The following OAS3 variants were observed in gnomAD, a reference collection of about 807,000 sequenced individuals.
OAS3 encodes 2'-5'-oligoadenylate synthase 3.
A neutral mutation model predicts 113.0 loss-of-function variants in OAS3; 107 were observed. The observed-to-expected ratio is 0.95, with a 90% CI of 0.81 to 1.11. OAS3 has a LOEUF of 1.11. Among genes scored for constraint, OAS3 ranks in the 50% most tolerant of loss-of-function variants. The pLI is 0.00. For missense variants in OAS3, 1,258 were observed against 1,389.1 expected, an observed-to-expected ratio of 0.91 and a Z score of 1.50; for synonymous variants, 552 against 573.6, an observed-to-expected ratio of 0.96 and a Z score of 0.54.
At chr12:112,944,061 G>C (rs1244882821) in intron 2 of OAS3, among the ~76,000 whole-genome samples, 1 of 152,146 alleles carries the variant, frequency 6.6e-6, no homozygotes, top group Non-Finnish European at 1.5e-5. Flanking sequence ...CTTGGGCATC[G>C]TTTTCCTCTC....
chr12:112,969,734 C>T lies in OAS3; in HGVS notation c.3231C>T (p.Pro1077=), dbSNP rs1294481080. ...GCTGCATGGGACGGAATGGCATCCC[C>T]ATCCAGCCATGGCCAGTGAAGGTGA... ...ALCCMGRNGI[P]IQPWPVKAAV is the part of the protein sequence containing the mutation. The change falls in exon 15 of 16, where the codon CCC becomes CCT. Residue 1077 remains proline, a synonymous_variant. Coordinates refer to ENST00000228928, the MANE Select transcript of OAS3 (RefSeq NM_006187.4). 6.2e-7 allele frequency: 1 copy of T among 1,613,332 alleles called. No homozygotes were observed. The highest frequency in any genetic ancestry group is 2.2e-5 in the East Asian group (1 of 44,874).
chr12:112,963,692 A>G lies in OAS3; in HGVS notation c.2229+235A>G, dbSNP rs2043909671. Among the ~76,000 whole-genome samples the G allele has an allele frequency of 6.6e-6, 1 of 152,142 alleles. No individual in the cohort carries two copies. Among genetic ancestry groups the G allele is most frequent in the Admixed American group, 6.5e-5 (1 of 15,272 alleles). On this transcript the variant is annotated intron_variant, in intron 10 of 15. Transcript: ENST00000228928. This position sits in a 1 kb window ranked among gnomAD's most constrained non-coding sequence, Gnocchi z 4.6. ...CTAACTCTGTCTCCAGGCGGAACCG[A>G]TTCTGTGATGCAACTCACGTTCCAG...
rs949410630 is a variant in OAS3 at position 112,954,106 on chromosome 12, G to C, written c.1657+3131G>C. On this transcript the variant is annotated intron_variant, in intron 7 of 15. Coordinates refer to ENST00000228928, the MANE Select transcript of OAS3 (RefSeq NM_006187.4). This position sits in a 1 kb window ranked among gnomAD's most constrained non-coding sequence, Gnocchi z 4.0. ...TGGTATTGCCTAGGTTTTCTTCTAG[G>C]GTTTTTATGGTTTTAGGTCTAAGAT... 6.6e-6 allele frequency among the ~76,000 whole-genome samples: 1 copy of C among 152,046 alleles called. No homozygotes were observed. Among genetic ancestry groups the C allele is most frequent in the Non-Finnish European group, 1.5e-5 (1 of 68,014 alleles).
chr12:112,942,602 CAGCTA>C (rs1645514602), intron 2 of OAS3, among the ~76,000 whole-genome samples: 1 of 151,554 alleles, frequency 6.6e-6, no homozygotes, highest in African/African-American at 2.4e-5. Flanking sequence ...CCTCTGATCC[CAGCTA>C]CTGGAGAGGC....
Position 112,967,443 on chromosome 12 carries a change from C to T in OAS3, c.2715C>T (p.Pro905=). 1 of 1,613,114 alleles carries T rather than the reference C, an allele frequency of 6.2e-7. No homozygotes were observed. Residue 905 remains proline (P), a synonymous_variant, in exon 13 of 16, where the codon CCC becomes CCT. Coordinates refer to ENST00000228928, the MANE Select transcript of OAS3 (RefSeq NM_006187.4). ...GCCAGCTGGTCTCTGGCTCCAGGCCCAGCTCTCAAGTCTACGTCGACCTCA... is the reference window on the plus strand; with the variant it reads ...GCCAGCTGGTCTCTGGCTCCAGGCCTAGCTCTCAAGTCTACGTCGACCTCA... ...ALGQLVSGSR[P]SSQVYVDLIH...
At chr12:112,959,009 A>C (rs900847345) in intron 7 of OAS3, among the ~76,000 whole-genome samples, 39 of 152,322 alleles carry the variant, frequency 2.6e-4, no homozygotes, top group African/African-American at 9.4e-4. Flanking sequence ...CGAGCTTCCC[A>C]GCCACTTTGT....
At chr12:112,951,038 G>C in intron 7 of OAS3, 63 bp downstream of exon 7, 1 of 1,509,286 alleles carries the variant, frequency 6.6e-7, no homozygotes, top group Non-Finnish European at 8.9e-7. Flanking sequence ...TCTAACAGGG[G>C]CACCTGCCAT....
In OAS3 at chr12:112,967,467, C is replaced by G; in HGVS notation, c.2739C>G (p.Leu913=). ...CCAGCTCTCAAGTCTACGTCGACCT[C>G]ATCCACAGCTACAGCAATGCGGGCG... ...SRPSSQVYVD[L]IHSYSNAGEY... Residue 913 remains leucine, a synonymous_variant, in exon 13 of 16, where the codon CTC becomes CTG. Transcript: ENST00000228928. The G allele has an allele frequency of 6.2e-7, 1 of 1,613,672 alleles. No individual in the cohort carries two copies. Among genetic ancestry groups the G allele is most frequent in the Non-Finnish European group, 8.5e-7 (1 of 1,179,778 alleles).
chr12:112,962,390 A>T (rs897309311), intron 8 of OAS3, among the ~76,000 whole-genome samples: 2 of 152,162 alleles, frequency 1.3e-5, no homozygotes, highest in African/African-American at 4.8e-5. Context: ...CACACTCAAG[A>T]TGTTTCAAAT....
At chr12:112,957,388 CT>C (rs2043845027) in intron 7 of OAS3, among the ~76,000 whole-genome samples, 1 of 152,102 alleles carries the variant, frequency 6.6e-6, no homozygotes, top group African/African-American at 2.4e-5. Context: ...ATGATGTTGG[CT>C]GGTTATTTTG....
intron 7 of OAS3, among the ~76,000 whole-genome samples, chr12:112,952,961 T>C (rs888960705): frequency 2.0e-5 from 3 of 152,298 alleles, no homozygotes; most frequent in Admixed American, 6.5e-5. Context: ...TTCTCTTTGA[T>C]GTATCTGTGT....
chr12:112,971,562 A>C lies in OAS3; in HGVS notation c.*1589A>C, dbSNP rs1161955695. On this transcript the variant is annotated 3_prime_UTR_variant, in exon 16 of 16. Coordinates refer to ENST00000228928, the MANE Select transcript of OAS3 (RefSeq NM_006187.4). ...TATCTCAGAGGAAGGAACAGGAAAC[A>C]AAGAAAGGAAGCCACTGAACATCCC... is the stretch of plus-strand genomic sequence containing the variant. 1 of 152,376 alleles carries C rather than the reference A, an allele frequency of 6.6e-6. No homozygotes were observed. The highest frequency in any genetic ancestry group is 2.4e-5 in the African/African-American group (1 of 41,446). 9.4% of individuals were successfully genotyped at this position (152,376 alleles called of 1,614,324 possible).
chr12:112,958,235 G>A (rs574725280), intron 7 of OAS3, among the ~76,000 whole-genome samples: 5 of 152,274 alleles, frequency 3.3e-5, no homozygotes, highest in East Asian at 1.9e-4. Flanking sequence ...TTAGCCATTC[G>A]TTTAATCTTT....
In OAS3 at chr12:112,963,472, C is replaced by G; in HGVS notation, c.2229+15C>G. 2.0e-6 allele frequency: 3 copies of G among 1,517,922 alleles called. No individual in the cohort carries two copies. Among genetic ancestry groups the G allele is most frequent in the Non-Finnish European group, 1.8e-6 (2 of 1,127,132 alleles). The allele number at this position is 1,517,922 out of a possible 1,614,324, so 94.0% of individuals were successfully genotyped here. ...GGGATGTGATGGTAAGATGGAGGGT[C>G]CTGGGGGGCAGGGGGCCCTGCACCC... On this transcript the variant is annotated intron_variant, in intron 10 of 15. Coordinates refer to ENST00000228928, the MANE Select transcript of OAS3 (RefSeq NM_006187.4). This position sits in a 1 kb window ranked among gnomAD's most constrained non-coding sequence, Gnocchi z 4.6.
chr12:112,950,691 A>G lies in OAS3; in HGVS notation c.1375-2A>G, dbSNP rs1565977091. On this transcript the variant is annotated splice_acceptor_variant, in intron 6 of 15. Coordinates refer to ENST00000228928, the MANE Select transcript of OAS3 (RefSeq NM_006187.4). LOFTEE classifies it high-confidence loss of function. ...TGATCTGAGCTGTTCTTCCCTCCACAGGGGGGCTCATTTGGCCGGGGCACA... is the reference window on the plus strand; with the variant it reads ...TGATCTGAGCTGTTCTTCCCTCCACGGGGGGGCTCATTTGGCCGGGGCACA... The G allele has an allele frequency of 1.2e-6, 2 of 1,613,844 alleles. No homozygotes were observed. Among genetic ancestry groups the G allele is most frequent in the Non-Finnish European group, 1.7e-6 (2 of 1,179,800 alleles).
rs2043786265 is a variant in OAS3 at position 112,950,957 on chromosome 12, C to T, written c.1639C>T (p.Pro547Ser). 21 of 1,613,164 alleles carry T rather than the reference C, an allele frequency of 1.3e-5. No individual in the cohort carries two copies. The highest frequency in any genetic ancestry group is 1.8e-5 in the Non-Finnish European group (21 of 1,179,460). The change falls in exon 7 of 16, where the codon CCT (proline) becomes TCT (serine). Residue 547 changes from proline (P) to serine (S), a missense_variant. Transcript: ENST00000228928. ...LKSWTDVSLL[P>S]AFDAVGQLSS... Reference sequence around the variant, plus strand: ...GAGCTGGACGGATGTTAGCCTGCTGCCTGCCTTCGATGCTGTGGGTGAGGG... The same window carrying T: ...GAGCTGGACGGATGTTAGCCTGCTGTCTGCCTTCGATGCTGTGGGTGAGGG...
chr12:112,963,415 T>C lies in OAS3; in HGVS notation c.2187T>C (p.Phe729=), dbSNP rs1191156118. The part of the protein sequence containing the change: ...EAAALGMQAC[F]LSRDGTSVQP... Reference sequence around the variant, plus strand: ...CAGCGCTGGGGATGCAGGCCTGCTTTCTGAGTAGAGACGGGACATCTGTGC... The same window carrying C: ...CAGCGCTGGGGATGCAGGCCTGCTTCCTGAGTAGAGACGGGACATCTGTGC... Residue 729 remains phenylalanine, a synonymous_variant, in exon 10 of 16, where the codon TTT becomes TTC. Coordinates refer to ENST00000228928, the MANE Select transcript of OAS3 (RefSeq NM_006187.4). The surrounding 1 kb of genome is among the most constrained non-coding windows in gnomAD (Gnocchi z 4.6). 2.3e-5 allele frequency: 36 copies of C among 1,551,542 alleles called. No individual in the cohort carries two copies. The highest frequency in any genetic ancestry group is 3.1e-5 in the Non-Finnish European group (35 of 1,146,986).
chr12:112,966,491 A>G (rs1411001338), intron 12 of OAS3, among the ~76,000 whole-genome samples: 1 of 152,206 alleles, frequency 6.6e-6, no homozygotes, highest in Non-Finnish European at 1.5e-5. Flanking sequence ...CCAGGCACCA[A>G]AAATAAAGCC....
intron 14 of OAS3, 131 bp from the exon 15 acceptor site, chr12:112,969,477 T>C: frequency 9.5e-7 from 1 of 1,053,884 alleles, no homozygotes; most frequent in Non-Finnish European, 1.4e-6. Context: ...ATAGGAGCAC[T>C]GAGGAATCTC....
Sources: gnomAD v4.1 joint callset for allele counts (sites outside exome capture counted in the v4.1 genomes callset) on GRCh38, gnomAD v4.1.1 for gene constraint, Gnocchi (gnomAD v3.1) non-coding constraint, MANE v1.5 for transcripts, NCBI Gene and HGNC (gene_info 2026-07-23, HGNC 2026-07-21) for gene names.